Variants in AKT3 observed in about 807,000 individuals in gnomAD.
AKT3 encodes the protein AKT serine/threonine kinase 3.
In AKT3, 15 loss-of-function variants were observed where a neutral mutation model predicts 65.3. The ratio of observed to expected loss-of-function variants is 0.23; its 90% CI spans 0.15 to 0.35. The LOEUF (loss-of-function observed/expected upper bound fraction) is 0.35. AKT3 is among the 10% of genes least tolerant of loss of function. The pLI is 1.00. For missense variants in AKT3, 243 were observed against 576.5 expected (o/e 0.42, Z 5.92); for synonymous variants, 206 against 183.8 (o/e 1.12, Z -0.98).
chr1:243,553,039 A>G (rs1282827367), intron 10 of AKT3, 96 bp from the exon 11 acceptor site: 1 of 993,726 alleles, frequency 1.0e-6, no homozygotes, highest in African/African-American at 1.7e-5. Context: ...ATGAATCTTA[A>G]CTTTCAAAGC....
intron 10 of AKT3, 21 bp from the exon 11 acceptor site, chr1:243,552,964 A>C: frequency 6.6e-7 from 1 of 1,512,052 alleles, no homozygotes; most frequent in Non-Finnish European, 9.0e-7. Context: ...AATCAGTAAA[A>C]AGATTAATTA....
chr1:243,671,699 A>G (rs1572144401), intron 3 of AKT3, among the ~76,000 whole-genome samples: 1 of 152,320 alleles, frequency 6.6e-6, no homozygotes, highest in Middle Eastern at 3.4e-3. Flanking sequence ...CGTTCCAAGC[A>G]CTGCACAAAG....
chr1:243,761,664 T>C (rs895129547), intron 2 of AKT3, among the ~76,000 whole-genome samples: 1 of 152,044 alleles, frequency 6.6e-6, no homozygotes, highest in Non-Finnish European at 1.5e-5. Context: ...CTCACATGAG[T>C]TACTTTACCC....
intron 3 of AKT3, among the ~76,000 whole-genome samples, chr1:243,683,729 G>C (rs1684082978): frequency 6.6e-6 from 1 of 152,112 alleles, no homozygotes; most frequent in South Asian, 2.1e-4. Context: ...GGTCATGCTG[G>C]AATCTCTTCT....
chr1:243,658,800 G>A (rs950529025), intron 4 of AKT3, among the ~76,000 whole-genome samples: 6 of 150,118 alleles, frequency 4.0e-5, no homozygotes, highest in East Asian at 2.0e-4. Context: ...AGCCGAGGGA[G>A]GAGTATTGCT....
intron 3 of AKT3, among the ~76,000 whole-genome samples, chr1:243,689,221 T>C (rs1169822750): frequency 6.6e-6 from 1 of 152,170 alleles, no homozygotes; most frequent in African/African-American, 2.4e-5. Context: ...GGTATGGGTA[T>C]AATGATCAAT....
chr1:243,687,343 G>C (rs909980373), intron 3 of AKT3: 26 of 152,274 alleles, frequency 1.7e-4, no homozygotes, highest in African/African-American at 6.3e-4. Flanking sequence ...GAAAAGGCTG[G>C]GAGATCGTGG....
At chr1:243,675,760 C>G (rs1302543742) in intron 3 of AKT3, among the ~76,000 whole-genome samples, 1 of 152,064 alleles carries the variant, frequency 6.6e-6, no homozygotes, top group East Asian at 1.9e-4. Flanking sequence ...CCTTTGAGTC[C>G]CTTTTCCTTG....
At chr1:243,801,072 T>C (rs931799115) in intron 2 of AKT3, among the ~76,000 whole-genome samples, 8 of 152,206 alleles carry the variant, frequency 5.3e-5, no homozygotes, top group African/African-American at 1.7e-4. Flanking sequence ...GGTGTGCTAA[T>C]TGACTTTATA....
intron 10 of AKT3, among the ~76,000 whole-genome samples, chr1:243,554,525 A>C (rs1234575908): frequency 6.6e-6 from 1 of 152,224 alleles, no homozygotes; most frequent in Non-Finnish European, 1.5e-5. Context: ...AAAAAAGCAG[A>C]AGAAATTCTA....
chr1:243,615,039 T>C, intron 7 of AKT3, 57 bp downstream of exon 7: 2 of 1,262,002 alleles, frequency 1.6e-6, no homozygotes, highest in Non-Finnish European at 1.1e-6. Flanking sequence ...ATTTCTAACA[T>C]AAAATTCCTT....
intron 4 of AKT3, among the ~76,000 whole-genome samples, chr1:243,664,398 G>T (rs933400248): frequency 6.6e-6 from 1 of 151,242 alleles, no homozygotes; most frequent in East Asian, 1.9e-4. Context: ...TAGCGACAGG[G>T]TTTCACCTTG....
In AKT3 at chr1:243,849,024, G is replaced by A. The variant is rs1202318001; in HGVS notation, c.-113+1016C>T. Reference sequence around the variant, plus strand: ...GGTATTGGAAAAACCTGGCCCCAACGAGATTCTTTATCTCTAGGCTAACTG... The same window carrying A: ...GGTATTGGAAAAACCTGGCCCCAACAAGATTCTTTATCTCTAGGCTAACTG... On this transcript the variant is annotated intron_variant, in intron 1 of 13. Coordinates refer to ENST00000673466, the MANE Select transcript of AKT3 (RefSeq NM_005465.7). Among the ~76,000 whole-genome samples the A allele has an allele frequency of 2.6e-5, 4 of 152,172 alleles. No homozygotes were observed. In the South Asian group the frequency reaches 6.2e-4, roughly 24 times the overall value.
chr1:243,563,035 A>C (rs1673906656), intron 10 of AKT3, among the ~76,000 whole-genome samples: 1 of 152,116 alleles, frequency 6.6e-6, no homozygotes, highest in African/African-American at 2.4e-5. Context: ...TTGTTTATGA[A>C]ACTTAAGACA....
chr1:243,848,223 C>CA, intron 1 of AKT3, among the ~76,000 whole-genome samples: 1 of 152,214 alleles, frequency 6.6e-6, no homozygotes, highest in South Asian at 2.1e-4. Context: ...CTTCAAGTAC[C>CA]ATCTCCCTGT....
intron 11 of AKT3, among the ~76,000 whole-genome samples, chr1:243,552,350 G>A (rs1456862298): frequency 6.6e-6 from 1 of 150,846 alleles, no homozygotes; most frequent in African/African-American, 2.4e-5. Flanking sequence ...TTGCGGGTGG[G>A]AGGAGAGTAT....
chr1:243,488,845 C>T (rs1299810086), intron 13 of AKT3, among the ~76,000 whole-genome samples: 1 of 152,212 alleles, frequency 6.6e-6, no homozygotes, highest in African/African-American at 2.4e-5. Flanking sequence ...TACCTTCACA[C>T]AGTGCGTACC....
rs563924918 is a variant in AKT3 at position 243,610,616 on chromosome 1, T to C, written c.696+3055A>G. The stretch of plus-strand genomic sequence containing the variant: ...CTGTCTACTTTCAACTATTAGATAA[T>C]ACATGTATGTGGCACAAAACACAAA... On this transcript the variant is annotated intron_variant, in intron 8 of 13. Transcript: ENST00000673466. Among the ~76,000 whole-genome samples, 4 of 152,354 alleles carry C rather than the reference T, an allele frequency of 2.6e-5. No individual in the cohort carries two copies. In the East Asian group the frequency reaches 5.8e-4, roughly 22 times the overall value.
At chr1:243,724,353 A>C (rs1234858664) in intron 2 of AKT3, among the ~76,000 whole-genome samples, 1 of 152,102 alleles carries the variant, frequency 6.6e-6, no homozygotes, top group Admixed American at 6.6e-5. Flanking sequence ...TAATATCTCT[A>C]TTTTTAGTTC....
Sources: allele counts gnomAD v4.1 joint callset (sites outside exome capture counted in the v4.1 genomes callset), GRCh38; gene constraint gnomAD v4.1.1; transcripts MANE v1.5; gene names NCBI Gene and HGNC (gene_info 2026-07-23, HGNC 2026-07-21).